RPP30: variants seen among roughly 807,000 people sequenced by gnomAD.
RPP30 encodes the protein ribonuclease P protein subunit p30.
Under a neutral mutation model 38.6 loss-of-function variants are expected in RPP30, and 36 were observed. That is an observed-to-expected ratio of 0.93 (90% CI 0.71 to 1.23). RPP30 has a LOEUF of 1.23. Among genes scored for constraint, RPP30 ranks in the 50% most tolerant of loss-of-function variants. The pLI is 0.00. For synonymous variants in RPP30, 126 were observed against 112.7 expected (o/e 1.12, Z -0.75); for missense variants, 321 against 321.7 (o/e 1.00, Z 0.02).
Position 90,900,954 on chromosome 10 carries a change from T to A in RPP30, c.*275T>A. The A allele has an allele frequency of 9.0e-7, 1 of 1,110,726 alleles. No homozygotes were observed. Among genetic ancestry groups the A allele is most frequent in the East Asian group, 5.4e-5 (1 of 18,600 alleles). The allele number at this position is 1,110,726 out of a possible 1,614,324, so 68.8% of individuals were successfully genotyped here. On this transcript the variant is annotated 3_prime_UTR_variant, in exon 11 of 11. Coordinates refer to ENST00000371703, the MANE Select transcript of RPP30 (RefSeq NM_006413.5). ...TGTAAGTGATAAACAACAGCAAATA[T>A]ACTTGAATAAAATGTTTCAGGTATT...
intron 10 of RPP30, among the ~76,000 whole-genome samples, chr10:90,897,213 C>T (rs986449966): frequency 2.0e-5 from 3 of 152,248 alleles, no homozygotes; most frequent in African/African-American, 7.2e-5. Context: ...GTTTTGTCTT[C>T]GTTATCTTTA....
intron 9 of RPP30, 127 bp from the exon 10 acceptor site, chr10:90,896,186 A>G (rs560776633): frequency 3.4e-5 from 27 of 785,308 alleles, no homozygotes; most frequent in African/African-American, 3.4e-4. Context: ...TTCCAGTTGG[A>G]CTAAGAACTG....
chr10:90,895,027 T>C (rs748242768), intron 7 of RPP30, 136 bp downstream of exon 7: 4 of 756,730 alleles, frequency 5.3e-6, no homozygotes, highest in Non-Finnish European at 9.6e-6. Flanking sequence ...GCCATTTCAG[T>C]GAGCTCTGCA....
chr10:90,882,532 G>A lies in RPP30; in HGVS notation c.343-3280G>A, dbSNP rs998468620. Among the ~76,000 whole-genome samples, 16 of 151,966 alleles carry A rather than the reference G, an allele frequency of 1.1e-4. No homozygotes were observed. In the East Asian group the frequency reaches 2.3e-3, roughly 22 times the overall value. Reference sequence around the variant, plus strand: ...CAAAAAATTAGCCAGGCATGGTGGCGGGCACCTGTAGTCCCAGCTACTCAG... The same window carrying A: ...CAAAAAATTAGCCAGGCATGGTGGCAGGCACCTGTAGTCCCAGCTACTCAG... On this transcript the variant is annotated intron_variant, in intron 5 of 10. Coordinates refer to ENST00000371703, the MANE Select transcript of RPP30 (RefSeq NM_006413.5).
intron 1 of RPP30, among the ~76,000 whole-genome samples, chr10:90,873,156 A>G (rs1846805372): frequency 2.0e-5 from 3 of 152,094 alleles, no homozygotes; most frequent in Non-Finnish European, 4.4e-5. Flanking sequence ...TAACACGTTC[A>G]CTCTGCAGGC....
Position 90,879,044 on chromosome 10 carries a change from A to G in RPP30, c.271-19A>G. ...ATGGATTTTGTTATTGTATGATAAC[A>G]TTCTTTTTGTATTCCTAGAGAGCAA... On this transcript the variant is annotated intron_variant, in intron 4 of 10. Coordinates refer to ENST00000371703, the MANE Select transcript of RPP30 (RefSeq NM_006413.5). The G allele has an allele frequency of 6.2e-7, 1 of 1,607,492 alleles. No homozygotes were observed. The highest frequency in any genetic ancestry group is 8.5e-7 in the Non-Finnish European group (1 of 1,175,042).
At chr10:90,880,340 C>T (rs1241847599) in intron 5 of RPP30, among the ~76,000 whole-genome samples, 7 of 148,490 alleles carry the variant, frequency 4.7e-5, no homozygotes, top group Non-Finnish European at 1.0e-4. Flanking sequence ...TCAAGACATA[C>T]TGTCAATTCT....
chr10:90,896,379 G>T lies in RPP30; in HGVS notation c.684G>T (p.Ala228=), dbSNP rs972664063. 6.2e-7 allele frequency: 1 copy of T among 1,613,878 alleles called. No homozygotes were observed. The highest frequency in any genetic ancestry group is 1.7e-5 in the Admixed American group (1 of 59,986). Residue 228 remains alanine (A), a synonymous_variant, in exon 10 of 11, where the codon GCG becomes GCT. Transcript: ENST00000371703. The stretch of plus-strand genomic sequence containing the variant: ...CGGTGTCCACCAACTGCCGAGCAGC[G>T]CTTCTCCATGGAGGTAAGCAAGTTC... The part of the protein sequence containing the change: ...KAAVSTNCRA[A]LLHGETRKTA...
At chr10:90,898,946 C>T (rs1052404976) in intron 10 of RPP30, among the ~76,000 whole-genome samples, 39 of 152,136 alleles carry the variant, frequency 2.6e-4, no homozygotes, top group Non-Finnish European at 3.4e-4. Flanking sequence ...AAATTATTCA[C>T]TCGTAGATAA....
At chr10:90,877,422 A>C (rs1308671939) in intron 4 of RPP30, among the ~76,000 whole-genome samples, 2 of 152,184 alleles carry the variant, frequency 1.3e-5, no homozygotes, top group Non-Finnish European at 2.9e-5. Flanking sequence ...CCCTGGCCAA[A>C]GTGCATTGTG....
At chr10:90,900,243 G>A (rs967701422) in intron 10 of RPP30, among the ~76,000 whole-genome samples, 8 of 152,200 alleles carry the variant, frequency 5.3e-5, no homozygotes, top group African/African-American at 1.9e-4. Context: ...TGATTTGTCT[G>A]TCTACCATAT....
downstream of RPP30, among the ~76,000 whole-genome samples, chr10:90,908,119 G>A (rs943011015): frequency 6.6e-6 from 1 of 152,178 alleles, no homozygotes; most frequent in East Asian, 1.9e-4. Flanking sequence ...GTACTATGAT[G>A]TTACAACAGC....
intron 8 of RPP30, 177 bp downstream of exon 8, chr10:90,895,660 CT>C (rs1847131308): frequency 2.0e-6 from 1 of 492,224 alleles, no homozygotes; most frequent in Non-Finnish European, 3.4e-6. Flanking sequence ...TAGGCTTCAA[CT>C]TTTGTTTATA....
downstream of RPP30, among the ~76,000 whole-genome samples, chr10:90,905,024 T>TA (rs1847238661): frequency 6.6e-6 from 1 of 152,156 alleles, no homozygotes; most frequent in Non-Finnish European, 1.5e-5. Context: ...AAAAAAATAA[T>TA]AATCTTGGAT....
intron 6 of RPP30, among the ~76,000 whole-genome samples, chr10:90,886,138 A>ATT (rs1846997476): frequency 1.3e-5 from 2 of 152,216 alleles, no homozygotes; most frequent in Non-Finnish European, 2.9e-5. Flanking sequence ...CCCAAAATTT[A>ATT]TAAAGGATAT....
intron 7 of RPP30, chr10:90,895,130 T>G (rs1847125273): frequency 1.8e-6 from 1 of 570,864 alleles, no homozygotes. Context: ...AATTTGCAAT[T>G]TACATACTGT....
rs554827812 is a variant in RPP30 at position 90,899,962 on chromosome 10, A to C, written c.698-608A>C. Among the ~76,000 whole-genome samples, 406 of 152,360 alleles carry C rather than the reference A, an allele frequency of 2.7e-3. 1 individual carries two copies. The highest frequency in any genetic ancestry group is 0.01 in the Middle Eastern group (3 of 294). On this transcript the variant is annotated intron_variant, in intron 10 of 10. Transcript: ENST00000371703. The stretch of plus-strand genomic sequence containing the variant: ...TTGAACTCTGCTGCCAGCCTAATCT[A>C]AGCATTTAATAATTTCTATTTATTC...
At chr10:90,897,824 A>T (rs187997411) in intron 10 of RPP30, among the ~76,000 whole-genome samples, 12 of 152,240 alleles carry the variant, frequency 7.9e-5, no homozygotes, top group Admixed American at 7.9e-4. Flanking sequence ...TAGTATGTGT[A>T]TATATTTATG....
chr10:90,880,542 A>G (rs1846914258), intron 5 of RPP30, among the ~76,000 whole-genome samples: 1 of 152,102 alleles, frequency 6.6e-6, no homozygotes, highest in African/African-American at 2.4e-5. Flanking sequence ...AGCCTGGCCA[A>G]TATGGTGAAA....
Sources: gnomAD v4.1 joint callset for allele counts (sites outside exome capture counted in the v4.1 genomes callset) on GRCh38, gnomAD v4.1.1 for gene constraint, MANE v1.5 for transcripts, NCBI Gene and HGNC (gene_info 2026-07-23, HGNC 2026-07-21) for gene names.